GAB2: variants seen among roughly 807,000 people sequenced by gnomAD.
GAB2 encodes GRB2 associated binding protein 2.
Under a neutral mutation model 65.5 loss-of-function variants are expected in GAB2, and 26 were observed. That is an observed-to-expected ratio of 0.40 (90% CI 0.29 to 0.55). The LOEUF (loss-of-function observed/expected upper bound fraction) is 0.55. Among genes scored for constraint, GAB2 ranks in the 20% least tolerant of loss-of-function variants. The pLI is 0.53. For synonymous variants in GAB2, 321 were observed against 329.6 expected, an observed-to-expected ratio of 0.97 and a Z score of 0.28; for missense variants, 884 against 875.8, an observed-to-expected ratio of 1.01 and a Z score of -0.12.
intron 1 of GAB2, among the ~76,000 whole-genome samples, chr11:78,385,715 AG>A (rs1856757372): frequency 6.6e-6 from 1 of 152,190 alleles, no homozygotes; most frequent in African/African-American, 2.4e-5. Flanking sequence ...GAAGATGGGA[AG>A]CATGTCCAAT....
At chr11:78,322,298 C>CAAAAAA (rs56709163) in intron 1 of GAB2, among the ~76,000 whole-genome samples, 8 of 12,078 alleles carry the variant, frequency 6.6e-4, no homozygotes, top group Non-Finnish European at 9.0e-4. Flanking sequence ...GACTCTGTCT[C>CAAAAAA]AAAAAAAAAA....
At chr11:78,240,846 T>C (rs999915465) in intron 3 of GAB2, among the ~76,000 whole-genome samples, 1 of 152,184 alleles carries the variant, frequency 6.6e-6, no homozygotes, top group Non-Finnish European at 1.5e-5. Flanking sequence ...AGTCATATCA[T>C]AGATCCTGGC....
At chr11:78,329,226 G>A (rs78063583) in intron 1 of GAB2, among the ~76,000 whole-genome samples, 1,943 of 152,208 alleles carry the variant, frequency 0.013, 34 homozygotes, top group African/African-American at 0.044. Context: ...GAACATTTTT[G>A]GGGTTTTGTG....
chr11:78,342,262 A>T (rs1003226927), intron 1 of GAB2, among the ~76,000 whole-genome samples: 1 of 152,126 alleles, frequency 6.6e-6, no homozygotes. Flanking sequence ...CTCACATCGC[A>T]TTATTCCCAG....
intron 1 of GAB2, among the ~76,000 whole-genome samples, chr11:78,390,799 A>T (rs1856824998): frequency 6.6e-6 from 1 of 152,254 alleles, no homozygotes; most frequent in South Asian, 2.1e-4. Flanking sequence ...ACCAATGTAG[A>T]TATCCTCTTC....
At chr11:78,279,322 C>T (rs1186879910) in intron 2 of GAB2, among the ~76,000 whole-genome samples, 3 of 152,128 alleles carry the variant, frequency 2.0e-5, no homozygotes, top group Admixed American at 6.5e-5. Context: ...GAGTGTTAAA[C>T]GAAGTGCAAG....
At chr11:78,220,913 G>A (rs1373800472) in intron 8 of GAB2, among the ~76,000 whole-genome samples, 4 of 152,124 alleles carry the variant, frequency 2.6e-5, no homozygotes, top group African/African-American at 9.7e-5. Flanking sequence ...CACCAAATCA[G>A]CCCCTGTGAA....
At chr11:78,361,305 C>A (rs1440730203) in intron 1 of GAB2, among the ~76,000 whole-genome samples, 1 of 151,986 alleles carries the variant, frequency 6.6e-6, no homozygotes, top group Non-Finnish European at 1.5e-5. Flanking sequence ...AGTCTATTAC[C>A]TAAAATCCAG....
intron 1 of GAB2, among the ~76,000 whole-genome samples, chr11:78,314,406 TC>T (rs1246231285): frequency 6.6e-6 from 1 of 152,236 alleles, no homozygotes; most frequent in African/African-American, 2.4e-5. Context: ...GCTATTATCC[TC>T]ATTTTGTAGA....
At chr11:78,333,954 T>C (rs746678311) in intron 1 of GAB2, among the ~76,000 whole-genome samples, 85 of 152,288 alleles carry the variant, frequency 5.6e-4, no homozygotes, top group Non-Finnish European at 1.1e-3. Flanking sequence ...ATTTCTCTCA[T>C]TGTACCAAGT....
intron 3 of GAB2, among the ~76,000 whole-genome samples, chr11:78,241,352 T>A (rs1449829581): frequency 6.6e-6 from 1 of 152,120 alleles, no homozygotes; most frequent in African/African-American, 2.4e-5. Flanking sequence ...GAAGAGGTGA[T>A]CTTTCCACCA....
intron 3 of GAB2, among the ~76,000 whole-genome samples, chr11:78,233,040 G>GCTTTTTTTT (rs1864887980): frequency 7.6e-6 from 1 of 132,006 alleles, no homozygotes; most frequent in Non-Finnish European, 1.6e-5. Context: ...GCACTGTTAA[G>GCTTTTTTTT]TTTTTTTTTT....
chr11:78,356,146 C>T (rs1856355416), intron 1 of GAB2, among the ~76,000 whole-genome samples: 1 of 147,624 alleles, frequency 6.8e-6, no homozygotes, highest in Non-Finnish European at 1.5e-5. Flanking sequence ...GCACTCTAGC[C>T]TGGGTGAAAG....
chr11:78,333,041 A>G (rs569340835), intron 1 of GAB2, among the ~76,000 whole-genome samples: 54 of 151,536 alleles, frequency 3.6e-4, no homozygotes, highest in South Asian at 6.2e-4. Flanking sequence ...CAAATGACAG[A>G]AGGAGGAGGA....
chr11:78,400,242 TCTCTTGAGTCCAA>T (rs1856951942), intron 1 of GAB2, among the ~76,000 whole-genome samples: 1 of 152,182 alleles, frequency 6.6e-6, no homozygotes, highest in Admixed American at 6.5e-5. Context: ...TAGGCCCTTA[TCTCTTGAGTCCAA>T]CTCACATGTC....
chr11:78,406,775 G>C (rs772146532), intron 1 of GAB2, among the ~76,000 whole-genome samples: 8 of 152,180 alleles, frequency 5.3e-5, no homozygotes, highest in Non-Finnish European at 8.8e-5. Context: ...TAACAGAGCT[G>C]TTAGAATTAT....
chr11:78,383,807 G>C (rs1203948796), intron 1 of GAB2, among the ~76,000 whole-genome samples: 1 of 152,072 alleles, frequency 6.6e-6, no homozygotes, highest in Admixed American at 6.6e-5. Context: ...TAGTGAGTCA[G>C]GGTAAGGTCT....
intron 6 of GAB2, among the ~76,000 whole-genome samples, chr11:78,222,609 G>A (rs1405993684): frequency 6.6e-6 from 1 of 151,122 alleles, no homozygotes; most frequent in South Asian, 2.1e-4. Context: ...TTAAGACGGG[G>A]TCTCACTCTG....
intron 1 of GAB2, among the ~76,000 whole-genome samples, chr11:78,364,818 C>G (rs1478967730): frequency 6.6e-6 from 1 of 152,110 alleles, no homozygotes; most frequent in Non-Finnish European, 1.5e-5. Flanking sequence ...CTACTGATAT[C>G]AGAAGATTCA....
Sources: allele counts gnomAD v4.1 joint callset (sites outside exome capture counted in the v4.1 genomes callset), GRCh38; gene constraint gnomAD v4.1.1; transcripts MANE v1.5; gene names NCBI Gene and HGNC (gene_info 2026-07-23, HGNC 2026-07-21).